Variants in AVL9 observed in about 807,000 individuals in gnomAD.
AVL9 encodes the protein AVL9 cell migration associated, also known as late secretory pathway protein AVL9 homolog.
In AVL9, 49 loss-of-function variants were observed where a neutral mutation model predicts 79.2. The ratio of observed to expected loss-of-function variants is 0.62; its 90% CI spans 0.49 to 0.79. The LOEUF is 0.79. AVL9 is among the 30% of genes least tolerant of loss of function. The pLI is 0.00. For missense variants in AVL9, 682 were observed against 776.8 expected, an observed-to-expected ratio of 0.88 and a Z score of 1.45; for synonymous variants, 299 against 280.6, an observed-to-expected ratio of 1.07 and a Z score of -0.65.
intron 5 of AVL9, among the ~76,000 whole-genome samples, chr7:32,551,974 AAAT>A (rs1394355586): frequency 1.9e-4 from 28 of 150,318 alleles, no homozygotes; most frequent in African/African-American, 6.9e-4. Flanking sequence ...CCACGCTCTA[AAAT>A]GTAGAGGGAG....
In AVL9 at chr7:32,584,081, C is replaced by T. The variant is rs1791651736; in HGVS notation, c.*174C>T. The T allele has an allele frequency of 3.0e-6, 2 of 669,108 alleles. No homozygotes were observed. The highest frequency in any genetic ancestry group is 3.6e-5 in the African/African-American group (2 of 55,820). The allele number at this position is 669,108 out of a possible 1,614,324, so 41.4% of individuals were successfully genotyped here. On this transcript the variant is annotated 3_prime_UTR_variant, in exon 16 of 16. Coordinates refer to ENST00000318709, the MANE Select transcript of AVL9 (RefSeq NM_015060.3). ...GATGCCGAAATGATGAAATCACAGC[C>T]ATAGCAGGGATGGCTTTCCAGGTTG...
intron 13 of AVL9, among the ~76,000 whole-genome samples, chr7:32,578,531 G>A (rs1247985719): frequency 6.6e-6 from 1 of 152,210 alleles, no homozygotes; most frequent in Non-Finnish European, 1.5e-5. Context: ...AATGTGGCCA[G>A]GCCTGGTGGC....
chr7:32,552,480 C>T (rs533078253), intron 6 of AVL9, among the ~76,000 whole-genome samples, 185 bp downstream of exon 6: 5 of 151,696 alleles, frequency 3.3e-5, no homozygotes, highest in African/African-American at 1.2e-4. Context: ...AGTATTAGAA[C>T]ATACCAGGTT....
intron 3 of AVL9, among the ~76,000 whole-genome samples, chr7:32,547,496 T>C (rs894585524): frequency 6.6e-6 from 1 of 152,242 alleles, no homozygotes; most frequent in African/African-American, 2.4e-5. Context: ...ATGTAAGCAC[T>C]AGTAAAATTA....
At chr7:32,550,822 T>C (rs1485322469) in intron 4 of AVL9, among the ~76,000 whole-genome samples, 1 of 152,100 alleles carries the variant, frequency 6.6e-6, no homozygotes, top group Non-Finnish European at 1.5e-5. Flanking sequence ...CAAATAGATA[T>C]AAAAACAAGC....
At chr7:32,542,199 T>C (rs1583547138) in intron 1 of AVL9, among the ~76,000 whole-genome samples, 1 of 142,556 alleles carries the variant, frequency 7.0e-6, no homozygotes, top group Admixed American at 7.1e-5. Flanking sequence ...TTTTTTTTTT[T>C]GGTGTCTTTA....
intron 11 of AVL9, among the ~76,000 whole-genome samples, chr7:32,572,801 CAAAAAAA>C (rs3080635): frequency 2.1e-5 from 2 of 93,474 alleles, no homozygotes; most frequent in Non-Finnish European, 3.8e-5. Context: ...GACTCCGTCT[CAAAAAAA>C]AAAAAAAAAG....
Position 32,579,410 on chromosome 7 carries a change from TA to T in AVL9, c.1689-807del, listed in dbSNP as rs1389268251. On this transcript the variant is annotated intron_variant, in intron 13 of 15. Coordinates refer to ENST00000318709, the MANE Select transcript of AVL9 (RefSeq NM_015060.3). ...CATATTATATGTTATATATTATATA[TA>T]ATATGTTATATATATAATATATATA... Among the ~76,000 whole-genome samples, 21 of 3,290 alleles carry T rather than the reference TA, an allele frequency of 6.4e-3. 5 individuals are homozygous for T. The highest frequency in any genetic ancestry group is 0.014 in the African/African-American group (16 of 1,146). 2.2% of individuals were successfully genotyped at this position (3,290 alleles called of 152,430 possible).
chr7:32,552,164 A>C, intron 5 of AVL9, 65 bp from the exon 6 acceptor site: 1 of 1,029,644 alleles, frequency 9.7e-7, no homozygotes, highest in Non-Finnish European at 1.5e-6. Context: ...TTTTCTGATC[A>C]ATATATTTCT....
At chr7:32,546,691 C>T (rs567433258) in intron 3 of AVL9, among the ~76,000 whole-genome samples, 2 of 151,994 alleles carry the variant, frequency 1.3e-5, no homozygotes, top group South Asian at 4.2e-4. Context: ...GGTGTGGCAG[C>T]GCACGCCTGT....
intron 1 of AVL9, among the ~76,000 whole-genome samples, chr7:32,506,216 CA>C (rs1176555261): frequency 6.6e-6 from 1 of 151,862 alleles, no homozygotes; most frequent in South Asian, 2.1e-4. Context: ...ACTTTTTAAA[CA>C]AATTTTTTTA....
At position 32,518,392 on chromosome 7, in the gene AVL9, A is replaced by G. The variant is rs140547548; in HGVS notation, c.93+22590A>G. Among the ~76,000 whole-genome samples the G allele has an allele frequency of 6.3e-4, 96 of 152,352 alleles. 2 individuals carry two copies. In the East Asian group the frequency reaches 0.018, roughly 28 times the overall value. ...ATAAATACTTATAGACAAACTTGTC[A>G]TAATTTAGAATGTAAAGTTAAATAC... On this transcript the variant is annotated intron_variant, in intron 1 of 15. Coordinates refer to ENST00000318709, the MANE Select transcript of AVL9 (RefSeq NM_015060.3).
intron 1 of AVL9, among the ~76,000 whole-genome samples, chr7:32,498,984 T>C (rs138723202): frequency 1 from 11,136 of 11,146 alleles, 5,563 homozygotes; most frequent in Middle Eastern, 1. Flanking sequence ...GACAACACGG[T>C]GAAACCCCGC....
chr7:32,582,569 G>T (rs555779714), intron 15 of AVL9, among the ~76,000 whole-genome samples: 1 of 152,194 alleles, frequency 6.6e-6, no homozygotes, highest in African/African-American at 2.4e-5. Flanking sequence ...ATCATTATAC[G>T]TTATTATTTT....
intron 15 of AVL9, 116 bp from the exon 16 acceptor site, chr7:32,583,674 GTC>G (rs1348673350): frequency 2.8e-5 from 18 of 652,136 alleles, no homozygotes; most frequent in Non-Finnish European, 4.3e-5. Context: ...GTAAGACGCT[GTC>G]TCAAAAAACA....
intron 12 of AVL9, among the ~76,000 whole-genome samples, chr7:32,574,540 G>T (rs1036742179): frequency 1.4e-4 from 22 of 151,920 alleles, no homozygotes; most frequent in African/African-American, 5.1e-4. Context: ...AAAAATATTT[G>T]CCCAGGAGGC....
In AVL9 at chr7:32,568,901, G is replaced by C. The variant is rs117476366; in HGVS notation, c.1216-1119G>C. ...GTATAGATTTATTTTTGCTGCTTCT[G>C]TTAGGGTCTGATCAAGCAACAAAAG... On this transcript the variant is annotated intron_variant, in intron 10 of 15. Coordinates refer to ENST00000318709, the MANE Select transcript of AVL9 (RefSeq NM_015060.3). 5.9e-5 allele frequency among the ~76,000 whole-genome samples: 9 copies of C among 152,280 alleles called. No homozygotes were observed. The East Asian group carries it at 1.3e-3, about 23-fold the overall frequency.
chr7:32,575,888 G>T, intron 12 of AVL9, 67 bp from the exon 13 acceptor site: 2 of 1,155,634 alleles, frequency 1.7e-6, no homozygotes, highest in Non-Finnish European at 2.6e-6. Context: ...ACCCTTTTTG[G>T]TTATAATCTT....
chr7:32,557,109 A>G (rs751848544), intron 8 of AVL9, among the ~76,000 whole-genome samples: 3 of 148,380 alleles, frequency 2.0e-5, no homozygotes, highest in Non-Finnish European at 3.0e-5. Context: ...CATTCAGGAA[A>G]TTTAACATTG....
Sources: allele counts gnomAD v4.1 joint callset (sites outside exome capture counted in the v4.1 genomes callset), GRCh38; gene constraint gnomAD v4.1.1; transcripts MANE v1.5; gene names NCBI Gene and HGNC (gene_info 2026-07-23, HGNC 2026-07-21).